The following WDR12 variants were observed in gnomAD, a reference collection of about 807,000 sequenced individuals.
The protein encoded by WDR12 is WD repeat domain 12.
WDR12 carries 42 observed loss-of-function variants against 64.3 expected under a neutral mutation model. The ratio of observed to expected loss-of-function variants is 0.65; its 90% confidence interval spans 0.51 to 0.84. The LOEUF (loss-of-function observed/expected upper bound fraction) is 0.84, where lower values mean the gene tolerates loss of function less well. WDR12 is among the 40% of genes least tolerant of loss of function. The pLI, the probability that WDR12 is intolerant of heterozygous loss-of-function variation, is 0.00. For missense variants in WDR12, 469 were observed against 494.6 expected, an observed-to-expected ratio of 0.95 and a Z score of 0.49; for synonymous variants, 158 against 173.3, an observed-to-expected ratio of 0.91 and a Z score of 0.70.
intron 8 of WDR12, among the ~76,000 whole-genome samples, chr2:202,888,241 A>G (rs1335557580): frequency 6.6e-6 from 1 of 152,228 alleles, no homozygotes; most frequent in East Asian, 1.9e-4. Flanking sequence ...CTGCACTTAT[A>G]TGACATTCTG....
chr2:202,907,936 A>C lies in WDR12; in HGVS notation c.65T>G (p.Phe22Cys), dbSNP rs1388513547. 3.7e-6 allele frequency: 6 copies of C among 1,613,962 alleles called. No individual in the cohort carries two copies. In the Admixed American group the frequency reaches 8.3e-5, roughly 22 times the overall value. The change falls in exon 2 of 13, where the codon TTC becomes TGC. Residue 22 changes from phenylalanine (F) to cysteine (C), a missense_variant. Coordinates refer to ENST00000261015, the MANE Select transcript of WDR12 (RefSeq NM_018256.4). ...AATTTCAGAGGCAGCAGGGATTGAG[A>C]AGGGAACATCATCTACGGCATATCT... Reference protein sequence around the residue: ...NKKYAVDDVPFSIPAASEIAD... With the variant: ...NKKYAVDDVPCSIPAASEIAD...
chr2:202,900,184 G>A (rs1688323701), intron 3 of WDR12, among the ~76,000 whole-genome samples: 1 of 152,080 alleles, frequency 6.6e-6, no homozygotes, highest in African/African-American at 2.4e-5. Flanking sequence ...ACAAAAATTA[G>A]CCAGGCGTGG....
chr2:202,895,714 G>A (rs560910939), intron 6 of WDR12, among the ~76,000 whole-genome samples: 3 of 139,706 alleles, frequency 2.1e-5, no homozygotes, highest in African/African-American at 8.0e-5. Flanking sequence ...TTTTTTAGTA[G>A]AGACAGGGTT....
chr2:202,890,201 C>A (rs1010696665), intron 8 of WDR12, among the ~76,000 whole-genome samples: 1 of 152,120 alleles, frequency 6.6e-6, no homozygotes, highest in Non-Finnish European at 1.5e-5. Context: ...TGTACTCCAG[C>A]CTGGGTGACA....
Position 202,874,451 on chromosome 2 carries a change from A to G in WDR12, c.*6409T>C, listed in dbSNP as rs909844306. On this transcript the variant is annotated 3_prime_UTR_variant, in exon 13 of 13. Coordinates refer to ENST00000261015, the MANE Select transcript of WDR12 (RefSeq NM_018256.4). Reference sequence around the variant, plus strand: ...GGCTCCACAAATGGGATCCAAACCTAGAGTCTTAGTTTCTTTAAAGACTAA... The same window carrying G: ...GGCTCCACAAATGGGATCCAAACCTGGAGTCTTAGTTTCTTTAAAGACTAA... Among the ~76,000 whole-genome samples the G allele has an allele frequency of 6.6e-6, 1 of 152,206 alleles. No homozygotes were observed. The highest frequency in any genetic ancestry group is 2.4e-5 in the African/African-American group (1 of 41,458).
At chr2:202,883,799 A>C in intron 10 of WDR12, 58 bp from the exon 11 acceptor site, 1 of 1,533,484 alleles carries the variant, frequency 6.5e-7, no homozygotes, top group Admixed American at 2.3e-5. Flanking sequence ...AGGTAGAAGG[A>C]ACCCAAAAAA....
chr2:202,875,074 A>G lies in WDR12; in HGVS notation c.*5786T>C, dbSNP rs566731338. On this transcript the variant is annotated 3_prime_UTR_variant, in exon 13 of 13. Coordinates refer to ENST00000261015, the MANE Select transcript of WDR12 (RefSeq NM_018256.4). ...TCTGTAGTCTTTATTACTCAGATGT[A>G]TGTCGCACAGCTCCATTAATTGGTT... is the stretch of plus-strand genomic sequence containing the variant. 1.8e-4 allele frequency: 27 copies of G among 152,320 alleles called. No individual in the cohort carries two copies. Among genetic ancestry groups the G allele is most frequent in the African/African-American group, 6.3e-4 (26 of 41,582 alleles). 9.4% of individuals were successfully genotyped at this position (152,320 alleles called of 1,614,324 possible).
chr2:202,897,906 A>ATATATAT (rs1201879973), intron 4 of WDR12, among the ~76,000 whole-genome samples: 1,148 of 46,874 alleles, frequency 0.024, 11 homozygotes, highest in South Asian at 0.073. Context: ...AAAAAAAAAA[A>ATATATAT]AAATATATAT....
chr2:202,910,974 G>A (rs972999622), intron 1 of WDR12, among the ~76,000 whole-genome samples: 2 of 152,018 alleles, frequency 1.3e-5, no homozygotes, highest in African/African-American at 4.8e-5. Flanking sequence ...AAGAGACCAG[G>A]CAAACACAAA....
chr2:202,882,634 T>G, intron 12 of WDR12, 77 bp downstream of exon 12: 1 of 1,498,250 alleles, frequency 6.7e-7, no homozygotes, highest in Non-Finnish European at 9.3e-7. Context: ...GGCCCGAAAC[T>G]AATACATTTT....
rs377263293 is a variant in WDR12, at chr2:202,880,971, T to A, written c.1195-34A>T. ...AAGGAGAGAAAAAGACAAGAAAACA[T>A]AAATAAATATAATTATTTCACATCA... On this transcript the variant is annotated intron_variant, in intron 12 of 12. Transcript: ENST00000261015. 9 of 1,513,428 alleles carry A rather than the reference T, an allele frequency of 5.9e-6. No individual in the cohort carries two copies. In the East Asian group the frequency reaches 1.9e-4, roughly 32 times the overall value. 93.7% of individuals were successfully genotyped at this position (1,513,428 alleles called of 1,614,324 possible).
rs1687891887 is a variant in WDR12, at chr2:202,878,009, G to A, written c.*2851C>T. The A allele has an allele frequency of 6.6e-6, 1 of 152,174 alleles. No individual in the cohort carries two copies. The highest frequency in any genetic ancestry group is 2.4e-5 in the African/African-American group (1 of 41,424). The allele number at this position is 152,174 out of a possible 1,614,324, so 9.4% of individuals were successfully genotyped here. ...TGACCTCTCATATTCCTTCTGTTCA[G>A]GGAGTAAGATCTAACCACTTGAGTT... On this transcript the variant is annotated 3_prime_UTR_variant, in exon 13 of 13. Transcript: ENST00000261015.
chr2:202,889,862 A>G (rs1471229894), intron 8 of WDR12, among the ~76,000 whole-genome samples: 1 of 151,622 alleles, frequency 6.6e-6, no homozygotes, highest in Non-Finnish European at 1.5e-5. Flanking sequence ...GCTGCAGCTG[A>G]GCCATGATTA....
chr2:202,911,284 T>C, intron 1 of WDR12, 152 bp downstream of exon 1: 2 of 735,620 alleles, frequency 2.7e-6, no homozygotes, highest in Non-Finnish European at 2.4e-6. Flanking sequence ...ATTCAAATTA[T>C]ATAGAACCTA....
intron 1 of WDR12, among the ~76,000 whole-genome samples, chr2:202,909,016 A>G (rs1688515855): frequency 6.6e-6 from 1 of 152,238 alleles, no homozygotes; most frequent in Non-Finnish European, 1.5e-5. Context: ...CTAGGGTGCT[A>G]TAAGTAAAAA....
At chr2:202,892,970 A>C (rs1688180041) in intron 7 of WDR12, among the ~76,000 whole-genome samples, 2 of 152,154 alleles carry the variant, frequency 1.3e-5, no homozygotes, top group South Asian at 4.1e-4. Context: ...GGTCATCATT[A>C]TAAATATTTA....
intron 2 of WDR12, among the ~76,000 whole-genome samples, chr2:202,907,405 G>T (rs1370009429): frequency 6.6e-6 from 1 of 151,058 alleles, no homozygotes; most frequent in Admixed American, 6.6e-5. Flanking sequence ...ATGAATTCTG[G>T]ACACAAAAAA....
intron 8 of WDR12, among the ~76,000 whole-genome samples, chr2:202,887,896 A>G (rs1163440290): frequency 3.2e-4 from 47 of 146,308 alleles, no homozygotes; most frequent in African/African-American, 1.1e-3. Context: ...CTCCGTCTCA[A>G]AAAAAAAAAA....
chr2:202,907,867 T>C lies in WDR12; in HGVS notation c.134A>G (p.Asn45Ser). 6.2e-7 allele frequency: 1 copy of C among 1,612,016 alleles called. No homozygotes were observed. The change falls in exon 2 of 13, where the codon AAT (asparagine) becomes AGT (serine). Residue 45 changes from asparagine (N) to serine (S), a missense_variant and splice_region_variant. Coordinates refer to ENST00000261015, the MANE Select transcript of WDR12 (RefSeq NM_018256.4). ...CTCTCCTAAGCATATATACCCACCATTTTTGTCCTTTAGTAGTTTATTGAT... is the reference window on the plus strand; with the variant it reads ...CTCTCCTAAGCATATATACCCACCACTTTTGTCCTTTAGTAGTTTATTGAT... The part of the protein sequence containing the change: ...NIINKLLKDK[N>S]EFHKHVEFDF...
Sources: allele counts gnomAD v4.1 joint callset (sites outside exome capture counted in the v4.1 genomes callset), GRCh38; gene constraint gnomAD v4.1.1; transcripts MANE v1.5; gene names NCBI Gene and HGNC (gene_info 2026-07-23, HGNC 2026-07-21).